The following VTI1A variants were observed in gnomAD, a reference collection of about 807,000 sequenced individuals.
The protein encoded by VTI1A is vesicle transport through interaction with t-SNAREs 1A.
A neutral mutation model predicts 34.9 loss-of-function variants in VTI1A; 22 were observed. That is an observed-to-expected ratio of 0.63 (90% CI 0.45 to 0.90). The LOEUF (loss-of-function observed/expected upper bound fraction) is 0.90. VTI1A is among the 40% of genes least tolerant of loss of function. The pLI is 0.00. For missense variants in VTI1A, 268 were observed against 275.6 expected (o/e 0.97, Z 0.20); for synonymous variants, 87 against 97.3 (o/e 0.89, Z 0.62).
chr10:112,583,201 C>G (rs779713224), intron 5 of VTI1A, among the ~76,000 whole-genome samples: 18 of 152,196 alleles, frequency 1.2e-4, no homozygotes, highest in Non-Finnish European at 2.4e-4. Flanking sequence ...GCCCTGGGTG[C>G]TGATAATAAC....
chr10:112,744,641 T>C (rs1458747249), intron 7 of VTI1A, among the ~76,000 whole-genome samples: 3 of 152,024 alleles, frequency 2.0e-5, no homozygotes, highest in Non-Finnish European at 4.4e-5. Flanking sequence ...AACAAGGTCT[T>C]GCTGCGTTGC....
chr10:112,754,551 G>A (rs546783284), intron 7 of VTI1A, among the ~76,000 whole-genome samples: 1 of 152,336 alleles, frequency 6.6e-6, no homozygotes, highest in African/African-American at 2.4e-5. Flanking sequence ...ACAGTGTACT[G>A]TTAAAACTTT....
At chr10:112,480,377 G>A (rs1848421731) in intron 3 of VTI1A, among the ~76,000 whole-genome samples, 1 of 152,168 alleles carries the variant, frequency 6.6e-6, no homozygotes, top group African/African-American at 2.4e-5. Context: ...CTTACATAGT[G>A]CAAGTGGCCA....
At chr10:112,527,316 C>G (rs1314474079) in intron 4 of VTI1A, 152 bp downstream of exon 4, 1 of 526,950 alleles carries the variant, frequency 1.9e-6, no homozygotes, top group Non-Finnish European at 3.3e-6. Flanking sequence ...TAATCAACTT[C>G]AAAATGTTTC....
chr10:112,836,160 C>G, the VTI1A span, among the ~76,000 whole-genome samples: 2 of 152,220 alleles, frequency 1.3e-5, no homozygotes, highest in Admixed American at 1.3e-4. Flanking sequence ...GCAGTCACCT[C>G]TCTGAAGCTC....
At chr10:112,535,975 G>C (rs898831601) in intron 4 of VTI1A, among the ~76,000 whole-genome samples, 1 of 152,164 alleles carries the variant, frequency 6.6e-6, no homozygotes, top group Non-Finnish European at 1.5e-5. Flanking sequence ...TGATAAAATT[G>C]AACTGTTCTG....
intron 7 of VTI1A, among the ~76,000 whole-genome samples, chr10:112,714,602 A>G (rs1418533493): frequency 6.6e-6 from 1 of 152,222 alleles, no homozygotes; most frequent in Non-Finnish European, 1.5e-5. Context: ...AAATTTAGGT[A>G]GTCATCAGAC....
intron 7 of VTI1A, chr10:112,672,681 CAT>C (rs1283062053): frequency 6.6e-6 from 1 of 152,120 alleles, no homozygotes; most frequent in African/African-American, 2.4e-5. Flanking sequence ...TGTCTCTCTT[CAT>C]ATGTGTGTAT....
intron 5 of VTI1A, chr10:112,548,590 C>T: frequency 1.2e-6 from 1 of 835,404 alleles, no homozygotes; most frequent in African/African-American, 1.7e-5. Context: ...ACCAGGGTGG[C>T]AGGTATTATT....
chr10:112,811,712 A>AAAAAAAAAAAAAGTT, intron 7 of VTI1A, among the ~76,000 whole-genome samples: 1 of 84,046 alleles, frequency 1.2e-5, no homozygotes, highest in Non-Finnish European at 2.3e-5. Flanking sequence ...AAAAAAAAAA[A>AAAAAAAAAAAAAGTT]GAGTGCAGTC....
intron 5 of VTI1A, among the ~76,000 whole-genome samples, chr10:112,611,973 C>A (rs901184424): frequency 6.6e-6 from 1 of 151,940 alleles, no homozygotes; most frequent in East Asian, 1.9e-4. Context: ...GATCTCCTGA[C>A]CTCGTGGTCC....
chr10:112,477,857 T>G (rs941336712), intron 3 of VTI1A, among the ~76,000 whole-genome samples: 2 of 152,252 alleles, frequency 1.3e-5, no homozygotes, highest in African/African-American at 4.8e-5. Flanking sequence ...TTTCTTATTT[T>G]GACCTTTTTC....
rs67154330 is a variant in VTI1A, at chr10:112,811,712, A to AAAAAAAAAAAAAAAAAAAAAAGAT, written c.561-3578_561-3577insAAAAAAAAAAAAAAAAAAAAAGAT. Among the ~76,000 whole-genome samples the AAAAAAAAAAAAAAAAAAAAAAGAT allele has an allele frequency of 1.1e-4, 9 of 84,044 alleles. 4 individuals are homozygous for AAAAAAAAAAAAAAAAAAAAAAGAT. Among genetic ancestry groups the AAAAAAAAAAAAAAAAAAAAAAGAT allele is most frequent in the African/African-American group, 3.3e-4 (7 of 21,076 alleles). The allele number at this position is 84,044 out of a possible 152,430, so 55.1% of individuals were successfully genotyped here. ...AAAAAAAAAAAAAAAAAAAAAAAAA[A>AAAAAAAAAAAAAAAAAAAAAAGAT]GAGTGCAGTCCATGCCTGGAAGTAG... On this transcript the variant is annotated intron_variant, in intron 7 of 7. Transcript: ENST00000393077.
At chr10:112,608,684 A>G (rs564042572) in intron 5 of VTI1A, among the ~76,000 whole-genome samples, 28 of 152,292 alleles carry the variant, frequency 1.8e-4, no homozygotes, top group African/African-American at 6.3e-4. Context: ...AGCCTACCAC[A>G]GAGATTTTAA....
intron 7 of VTI1A, among the ~76,000 whole-genome samples, chr10:112,684,598 C>A (rs1848337872): frequency 6.6e-6 from 1 of 152,048 alleles, no homozygotes; most frequent in Non-Finnish European, 1.5e-5. Flanking sequence ...GCCATCACGC[C>A]CAGCTAACTT....
At position 112,681,787 on chromosome 10, in the gene VTI1A, G is replaced by A. The variant is rs191691588; in HGVS notation, c.560+12789G>A. Among the ~76,000 whole-genome samples the A allele has an allele frequency of 1.8e-4, 27 of 152,184 alleles. No homozygotes were observed. In the East Asian group the frequency reaches 5.2e-3, roughly 29 times the overall value. ...AAAGACAGGTCTTTGAAATAATACT[G>A]CATGTTGACTATACATATTCTACAT... On this transcript the variant is annotated intron_variant, in intron 7 of 7. Transcript: ENST00000393077.
Position 112,730,515 on chromosome 10 carries a change from T to TC in VTI1A, c.560+61520dup, listed in dbSNP as rs1228299830. Among the ~76,000 whole-genome samples the TC allele has an allele frequency of 2.6e-5, 4 of 152,238 alleles. No homozygotes were observed. In the South Asian group the frequency reaches 6.2e-4, roughly 24 times the overall value. On this transcript the variant is annotated intron_variant, in intron 7 of 7. Coordinates refer to ENST00000393077, the MANE Select transcript of VTI1A (RefSeq NM_145206.4). Reference sequence around the variant, plus strand: ...TCCTGCAGTTCACTGACACATGGAGTCCCTTTGACAGGTGCCCGAGTTTCT... The same window carrying TC: ...TCCTGCAGTTCACTGACACATGGAGTCCCCTTTGACAGGTGCCCGAGTTTCT...
At chr10:112,538,177 T>C (rs1850719996) in intron 4 of VTI1A, 69 bp from the exon 5 acceptor site, 2 of 1,442,916 alleles carry the variant, frequency 1.4e-6, no homozygotes, top group Non-Finnish European at 1.9e-6. Flanking sequence ...AGGCATTTTT[T>C]TTTTAAGGCA....
intron 5 of VTI1A, among the ~76,000 whole-genome samples, chr10:112,641,161 C>A (rs1846555214): frequency 6.6e-6 from 1 of 151,988 alleles, no homozygotes; most frequent in Non-Finnish European, 1.5e-5. Flanking sequence ...GGAAAAAGCC[C>A]TATCTGAGCA....
Sources: allele counts gnomAD v4.1 joint callset (sites outside exome capture counted in the v4.1 genomes callset), GRCh38; gene constraint gnomAD v4.1.1; transcripts MANE v1.5; gene names NCBI Gene and HGNC (gene_info 2026-07-23, HGNC 2026-07-21).